Variants in IMPA2 observed in about 807,000 individuals in gnomAD.
The protein encoded by IMPA2 is IMP 2.
A neutral mutation model predicts 35.1 loss-of-function variants in IMPA2; 32 were observed. That is an observed-to-expected ratio of 0.91 (90% CI 0.69 to 1.23). The LOEUF is 1.23. Among genes scored for constraint, IMPA2 ranks in the 50% most tolerant of loss-of-function variants. The pLI is 0.00. For missense variants in IMPA2, 334 were observed against 387.6 expected (o/e 0.86, Z 1.16); for synonymous variants, 135 against 160.6 (o/e 0.84, Z 1.20).
At chr18:12,027,082 G>A (rs1392065834) in intron 5 of IMPA2, among the ~76,000 whole-genome samples, 1 of 152,240 alleles carries the variant, frequency 6.6e-6, no homozygotes, top group Non-Finnish European at 1.5e-5. Flanking sequence ...GCAGTAATGT[G>A]ATAGGATTTG....
rs910169168 is a variant in IMPA2, at chr18:11,984,918, A to G, written c.96+3153A>G. The stretch of plus-strand genomic sequence containing the variant: ...GGGAGGCGGAGTTTGCAGTGAGTAG[A>G]GATCGTGCCACTGCACTCCAGCCTG... On this transcript the variant is annotated intron_variant, in intron 1 of 7. Transcript: ENST00000269159. Among the ~76,000 whole-genome samples the G allele has an allele frequency of 5.3e-5, 8 of 149,674 alleles. No individual in the cohort carries two copies. In the South Asian group the frequency reaches 6.4e-4, roughly 12 times the overall value.
intron 5 of IMPA2, among the ~76,000 whole-genome samples, chr18:12,020,596 T>A (rs1568037446): frequency 6.6e-6 from 1 of 152,186 alleles, no homozygotes. Flanking sequence ...GACTTGAATG[T>A]ATGTTGGGCT....
chr18:11,985,511 A>T (rs1009737624), intron 1 of IMPA2, among the ~76,000 whole-genome samples: 11 of 152,246 alleles, frequency 7.2e-5, no homozygotes, highest in African/African-American at 2.7e-4. Flanking sequence ...CAATTGGCTT[A>T]TAAATTTTTA....
chr18:11,995,586 G>C (rs370086987), intron 1 of IMPA2, among the ~76,000 whole-genome samples: 24 of 152,188 alleles, frequency 1.6e-4, no homozygotes, highest in African/African-American at 5.8e-4. Context: ...CATAGTGACA[G>C]GGCGCCACCA....
intron 4 of IMPA2, 140 bp from the exon 5 acceptor site, chr18:12,014,125 T>C (rs1907508369): frequency 1.5e-6 from 1 of 667,414 alleles, no homozygotes; most frequent in Admixed American, 2.5e-5. Flanking sequence ...TCTCAGTTCC[T>C]TTTGGAAAGG....
intron 1 of IMPA2, among the ~76,000 whole-genome samples, chr18:11,997,836 A>G (rs866557375): frequency 7.6e-4 from 116 of 152,364 alleles, no homozygotes; most frequent in African/African-American, 2.6e-3. Context: ...TGACTTTGTC[A>G]TCATGATGAG....
At chr18:11,993,399 T>C (rs547912171) in intron 1 of IMPA2, among the ~76,000 whole-genome samples, 1 of 152,220 alleles carries the variant, frequency 6.6e-6, no homozygotes, top group Non-Finnish European at 1.5e-5. Context: ...TTAGTGTCAT[T>C]GTCTGTTGGT....
intron 1 of IMPA2, among the ~76,000 whole-genome samples, chr18:11,992,691 A>G (rs899094076): frequency 6.6e-6 from 1 of 152,166 alleles, no homozygotes; most frequent in Non-Finnish European, 1.5e-5. Context: ...TAGCTGAAAA[A>G]CATTAATTAA....
intron 2 of IMPA2, among the ~76,000 whole-genome samples, chr18:12,000,030 C>A (rs1054694654): frequency 2.6e-5 from 4 of 152,050 alleles, no homozygotes; most frequent in African/African-American, 9.7e-5. Flanking sequence ...ACTGGAATAC[C>A]AGTTATTGGA....
At chr18:12,019,033 C>T (rs953484539) in intron 5 of IMPA2, among the ~76,000 whole-genome samples, 5 of 152,050 alleles carry the variant, frequency 3.3e-5, no homozygotes, top group Admixed American at 2.6e-4. Flanking sequence ...GATAGGTTTC[C>T]CAGGCTGGTC....
intron 5 of IMPA2, chr18:12,018,194 G>T (rs143749993): frequency 0.04 from 6,114 of 152,678 alleles, 309 homozygotes; most frequent in African/African-American, 0.12. Context: ...ACCCGCCCGG[G>T]CCTCCCAAAG....
intron 5 of IMPA2, among the ~76,000 whole-genome samples, chr18:12,014,799 A>C (rs1429777200): frequency 6.6e-6 from 1 of 152,116 alleles, no homozygotes; most frequent in African/African-American, 2.4e-5. Context: ...AACTGGCTTC[A>C]GCTTCTGTGA....
chr18:11,981,772 G>C lies in IMPA2; in HGVS notation c.96+7G>C. On this transcript the variant is annotated splice_region_variant and intron_variant, in intron 1 of 7. Transcript: ENST00000269159. Reference sequence around the variant, plus strand: ...GGCGCTGCGGGCAGGACAGGTGAGCGCCACGGCTGGGCTCGGAAGTCCGGG... The same window carrying C: ...GGCGCTGCGGGCAGGACAGGTGAGCCCCACGGCTGGGCTCGGAAGTCCGGG... The C allele has an allele frequency of 1.6e-6, 2 of 1,224,574 alleles. No homozygotes were observed. Among genetic ancestry groups the C allele is most frequent in the Non-Finnish European group, 2.0e-6 (2 of 982,516 alleles). The allele number at this position is 1,224,574 out of a possible 1,614,324, so 75.9% of individuals were successfully genotyped here. A position where few individuals can be genotyped will look rare whatever the true frequency, so the allele number is the denominator to read the frequency against.
intron 1 of IMPA2, among the ~76,000 whole-genome samples, chr18:11,990,266 C>T (rs1350890479): frequency 6.6e-6 from 1 of 152,168 alleles, no homozygotes; most frequent in Non-Finnish European, 1.5e-5. Context: ...CCTGGCCAGT[C>T]ACTGCAGTGT....
At chr18:12,029,783 C>T (rs116584240) in intron 7 of IMPA2, among the ~76,000 whole-genome samples, 1,779 of 152,328 alleles carry the variant, frequency 0.012, 29 homozygotes, top group African/African-American at 0.039. Flanking sequence ...TGAAGGCTCA[C>T]GTATGTGCAA....
chr18:11,986,149 TC>T (rs1319809252), intron 1 of IMPA2, among the ~76,000 whole-genome samples: 1 of 152,032 alleles, frequency 6.6e-6, no homozygotes, highest in African/African-American at 2.4e-5. Context: ...ACCGCAGACT[TC>T]CCCCTTCTCT....
At position 11,981,531 on chromosome 18, in the gene IMPA2, G is replaced by A. The variant is rs1906494802; in HGVS notation, c.-139G>A. 2 of 504,176 alleles carry A rather than the reference G, an allele frequency of 4.0e-6. No individual in the cohort carries two copies. Among genetic ancestry groups the A allele is most frequent in the Non-Finnish European group, 6.1e-6 (2 of 325,552 alleles). 31.2% of individuals were successfully genotyped at this position (504,176 alleles called of 1,614,324 possible). The stretch of plus-strand genomic sequence containing the variant: ...CTGCCCTTCCCGCCAGCGCAGGTGT[G>A]GGACGGGCGGCGGACTAGGCACAGA... On this transcript the variant is annotated 5_prime_UTR_variant, in exon 1 of 8. Coordinates refer to ENST00000269159, the MANE Select transcript of IMPA2 (RefSeq NM_014214.3).
intron 5 of IMPA2, among the ~76,000 whole-genome samples, chr18:12,017,026 C>T (rs994969172): frequency 1.3e-5 from 2 of 152,230 alleles, no homozygotes; most frequent in South Asian, 4.2e-4. Context: ...CTCTCTTTCT[C>T]CCTCTCTCTT....
chr18:12,010,202 C>T lies in IMPA2; in HGVS notation c.335+215C>T. The T allele has an allele frequency of 2.1e-6, 1 of 479,330 alleles. No homozygotes were observed. The allele number at this position is 479,330 out of a possible 1,614,324, so 29.7% of individuals were successfully genotyped here. ...CTTGGAGTATGTTAGGAAATCTGCA[C>T]TTGTTTAAAAACCAGTTTGTTATGT... is the stretch of plus-strand genomic sequence containing the variant. On this transcript the variant is annotated intron_variant, in intron 3 of 7. Coordinates refer to ENST00000269159, the MANE Select transcript of IMPA2 (RefSeq NM_014214.3). This position sits in a 1 kb window ranked among gnomAD's most constrained non-coding sequence, Gnocchi z 4.8.
Sources: gnomAD v4.1 joint callset for allele counts (sites outside exome capture counted in the v4.1 genomes callset) on GRCh38, gnomAD v4.1.1 for gene constraint, Gnocchi (gnomAD v3.1) non-coding constraint, MANE v1.5 for transcripts, NCBI Gene and HGNC (gene_info 2026-07-23, HGNC 2026-07-21) for gene names.